Variants in SNRNP70 observed in about 807,000 individuals in gnomAD.
The protein encoded by SNRNP70 is U1 small nuclear ribonucleoprotein 70 kDa.
SNRNP70 carries 8 observed loss-of-function variants against 50.5 expected under a neutral mutation model. The ratio of observed to expected loss-of-function variants is 0.16; its 90% CI spans 0.09 to 0.29. The LOEUF is 0.29. Ranked by LOEUF, SNRNP70 falls within the 10% of genes least tolerant of loss-of-function variation. The pLI, the probability that SNRNP70 is intolerant of heterozygous loss-of-function variation, is 1.00. For synonymous variants in SNRNP70, 320 were observed against 252.9 expected (o/e 1.27, Z -2.52); for missense variants, 529 against 663.5 (o/e 0.80, Z 2.23).
chr19:49,097,001 A>G, intron 4 of SNRNP70, among the ~76,000 whole-genome samples: 1 of 151,404 alleles, frequency 6.6e-6, no homozygotes, highest in Non-Finnish European at 1.5e-5. Flanking sequence ...GTGGTGGTGC[A>G]CGCCTGTAAT....
intron 4 of SNRNP70, among the ~76,000 whole-genome samples, chr19:49,092,764 T>G (rs2040463564): frequency 6.6e-6 from 1 of 151,952 alleles, no homozygotes; most frequent in South Asian, 2.1e-4. Flanking sequence ...TTTTTTTCTT[T>G]TTTGGAAAAA....
intron 4 of SNRNP70, among the ~76,000 whole-genome samples, chr19:49,093,144 GGA>G (rs1285884117): frequency 5.3e-5 from 8 of 151,912 alleles, no homozygotes; most frequent in African/African-American, 1.7e-4. Flanking sequence ...TGCCCAGGCT[GGA>G]GTGTAGTGGT....
At position 49,101,435 on chromosome 19, in the gene SNRNP70, G is replaced by T; in HGVS notation, c.439G>T (p.Ala147Ser). 1.2e-6 allele frequency: 2 copies of T among 1,613,982 alleles called. No homozygotes were observed. Among genetic ancestry groups the T allele is most frequent in the African/African-American group, 1.3e-5 (1 of 75,026 alleles). The change falls in exon 7 of 10, where the codon GCC becomes TCC. Residue 147 changes from alanine to serine, a missense_variant. Physicochemically the swap from Ala to Ser is moderately conservative, Grantham distance 99. This residue lies in a region of SNRNP70 where 149 missense variants were observed against 259.7 expected (regional missense o/e 0.57). Transcript: ENST00000598441. Reference protein sequence around the residue: ...SKRSGKPRGYAFIEYEHERDM... With the variant: ...SKRSGKPRGYSFIEYEHERDM... ...GCGGTCAGGAAAGCCCCGTGGCTATGCCTTCATCGAGTACGAACACGAGCG... is the reference window on the plus strand; with the variant it reads ...GCGGTCAGGAAAGCCCCGTGGCTATTCCTTCATCGAGTACGAACACGAGCG...
Position 49,107,593 on chromosome 19 carries a change from G to T in SNRNP70, c.578-32G>T. 1 of 1,607,464 alleles carries T rather than the reference G, an allele frequency of 6.2e-7. No individual in the cohort carries two copies. Among genetic ancestry groups the T allele is most frequent in the Non-Finnish European group, 8.5e-7 (1 of 1,174,012 alleles). On this transcript the variant is annotated intron_variant, in intron 8 of 9. Coordinates refer to ENST00000598441, the MANE Select transcript of SNRNP70 (RefSeq NM_003089.6). This position sits in a 1 kb window ranked among gnomAD's most constrained non-coding sequence, Gnocchi z 6.0. ...CTCCTCCGGGCCCTGTCCCTGCCCA[G>T]ATTCACCCTCTGTCCGTCTGCCCTG...
chr19:49,093,012 CTCAGGTGAT>C (rs775286933), intron 4 of SNRNP70, among the ~76,000 whole-genome samples: 53 of 134,404 alleles, frequency 3.9e-4, no homozygotes, highest in Middle Eastern at 3.6e-3. Context: ...AATTCCTGGC[CTCAGGTGAT>C]CTGTCTGCCT....
At chr19:49,099,920 G>A (rs985906659) in intron 6 of SNRNP70, among the ~76,000 whole-genome samples, 4 of 151,502 alleles carry the variant, frequency 2.6e-5, no homozygotes, top group African/African-American at 9.7e-5. Flanking sequence ...TCGTGCCTGT[G>A]TGTGTGTGTG....
chr19:49,090,186 G>A (rs2040430745), intron 2 of SNRNP70, 105 bp from the exon 3 acceptor site: 4 of 932,446 alleles, frequency 4.3e-6, no homozygotes, highest in African/African-American at 3.3e-5. Context: ...GTTTATTTTT[G>A]TAGGGGGTGG....
chr19:49,097,326 C>T (rs2040525717), intron 4 of SNRNP70, among the ~76,000 whole-genome samples: 1 of 152,120 alleles, frequency 6.6e-6, no homozygotes, highest in Admixed American at 6.6e-5. Flanking sequence ...TTCTGTTTTA[C>T]TTCCATTTGC....
intron 8 of SNRNP70, among the ~76,000 whole-genome samples, chr19:49,106,777 C>T (rs1385430908): frequency 6.6e-6 from 1 of 152,148 alleles, no homozygotes; most frequent in African/African-American, 2.4e-5. Flanking sequence ...TCATCTGTGC[C>T]TTGGGGCTGT....
Position 49,086,371 on chromosome 19 carries a change from A to C in SNRNP70, c.-10-34A>C, listed in dbSNP as rs771392591. 17 of 1,595,472 alleles carry C rather than the reference A, an allele frequency of 1.1e-5. No individual in the cohort carries two copies. In the Admixed American group the frequency reaches 1.2e-4, roughly 11 times the overall value. On this transcript the variant is annotated intron_variant, in intron 1 of 9. Transcript: ENST00000598441. ...CAGGGGCTTTCTCTGTGCAGACCCG[A>C]TCTAACCTAAGGCTGTCCTGCTTCT...
In SNRNP70 at chr19:49,095,620, C is replaced by T. The variant is rs186066447; in HGVS notation, c.266-2807C>T. 1.9e-3 allele frequency among the ~76,000 whole-genome samples: 294 copies of T among 150,788 alleles called. 9 individuals carry two copies. The highest frequency in any genetic ancestry group is 0.016 in the Admixed American group (241 of 15,108). On this transcript the variant is annotated intron_variant, in intron 4 of 9. Transcript: ENST00000598441. The stretch of plus-strand genomic sequence containing the variant: ...CACGATCTCGGTTTACTGCAACCTT[C>T]ATCGCCTCCCTGGTTCAAGCGATTC...
rs760050518 is a variant in SNRNP70, at chr19:49,086,495, A to G, written c.81A>G (p.Lys27=). 3.1e-6 allele frequency: 5 copies of G among 1,614,028 alleles called. No individual in the cohort carries two copies. The East Asian group carries it at 1.1e-4, about 36-fold the overall frequency. Residue 27 remains lysine, a synonymous_variant, in exon 2 of 10, where the codon AAA becomes AAG. Transcript: ENST00000598441. ...TTCCATACCTGCCACCCCTGGAGAAACTGCCACATGAAAAACACCACAATC... is the reference window on the plus strand; with the variant it reads ...TTCCATACCTGCCACCCCTGGAGAAGCTGCCACATGAAAAACACCACAATC... ...DPIPYLPPLE[K]LPHEKHHNQP... is the part of the protein sequence containing the mutation.
chr19:49,107,613 G>T lies in SNRNP70; in HGVS notation c.578-12G>T. On this transcript the variant is annotated splice_polypyrimidine_tract_variant and intron_variant, in intron 8 of 9. Transcript: ENST00000598441. This position sits in a 1 kb window ranked among gnomAD's most constrained non-coding sequence, Gnocchi z 6.0. ...GCCCAGATTCACCCTCTGTCCGTCT[G>T]CCCTGCCCCAGGAGGAGGCCTCGGT... 2.5e-6 allele frequency: 4 copies of T among 1,613,474 alleles called. No homozygotes were observed. The highest frequency in any genetic ancestry group is 3.4e-6 in the Non-Finnish European group (4 of 1,179,450).
At chr19:49,095,975 C>CAAAAAAAAAAAAAAAAAAAAAAAAAAAA (rs11356728) in intron 4 of SNRNP70, among the ~76,000 whole-genome samples, 1 of 91,942 alleles carries the variant, frequency 1.1e-5, no homozygotes, top group Non-Finnish European at 2.2e-5. Flanking sequence ...TTAGCTGGTG[C>CAAAAAAAAAAAAAAAAAAAAAAAAAAAA]AAAAAAAAAA....
rs1001046663 is a variant in SNRNP70, at chr19:49,108,121, C to T, written c.992C>T (p.Pro331Leu). The change falls in exon 10 of 10, where the codon CCT becomes CTT. Residue 331 changes from proline (P) to leucine (L), a missense_variant. Coordinates refer to ENST00000598441, the MANE Select transcript of SNRNP70 (RefSeq NM_003089.6). Reference protein sequence around the residue: ...EAGDAPPDDGPPGELGPDGPD... With the variant: ...EAGDAPPDDGLPGELGPDGPD... ...GGTGACGCGCCCCCTGATGATGGGC[C>T]TCCAGGGGAGCTCGGGCCTGACGGC... 1.5e-5 allele frequency: 23 copies of T among 1,548,252 alleles called. No homozygotes were observed. Among genetic ancestry groups the T allele is most frequent in the African/African-American group, 1.4e-5 (1 of 73,438 alleles).
Position 49,087,376 on chromosome 19 carries a change from T to C in SNRNP70, c.147+815T>C, listed in dbSNP as rs1188490081. Reference sequence around the variant, plus strand: ...GGATAGTGGTAGCACCCTTATAATGTTGGTGGAGAATTAAATGGCAAACTG... The same window carrying C: ...GGATAGTGGTAGCACCCTTATAATGCTGGTGGAGAATTAAATGGCAAACTG... On this transcript the variant is annotated intron_variant, in intron 2 of 9. Coordinates refer to ENST00000598441, the MANE Select transcript of SNRNP70 (RefSeq NM_003089.6). Among the ~76,000 whole-genome samples, 6 of 152,240 alleles carry C rather than the reference T, an allele frequency of 3.9e-5. No individual in the cohort carries two copies. In the East Asian group the frequency reaches 1.2e-3, roughly 29 times the overall value.
chr19:49,107,764 C>T lies in SNRNP70; in HGVS notation c.666-31C>T. ...GGTGGGGGGCGGTCACGGGGGGAGC[C>T]CAGCCACACAGGTCTGCCCACCTCA... On this transcript the variant is annotated intron_variant, in intron 9 of 9. Transcript: ENST00000598441. The surrounding 1 kb of genome is among the most constrained non-coding windows in gnomAD (Gnocchi z 6.0). 6.2e-7 allele frequency: 1 copy of T among 1,611,952 alleles called. No homozygotes were observed. The highest frequency in any genetic ancestry group is 8.5e-7 in the Non-Finnish European group (1 of 1,179,440).
At chr19:49,106,672 C>T (rs1158443807) in intron 8 of SNRNP70, among the ~76,000 whole-genome samples, 5 of 152,194 alleles carry the variant, frequency 3.3e-5, no homozygotes, top group East Asian at 1.9e-4. Context: ...TTGCAGCAGA[C>T]GGCAGTGACA....
intron 7 of SNRNP70, chr19:49,101,787 G>T: frequency 2.4e-6 from 1 of 411,338 alleles, no homozygotes; most frequent in South Asian, 2.1e-5. Flanking sequence ...GTCGGATTTT[G>T]GGGGAACCTC....
Sources: gnomAD v4.1 joint callset for allele counts (sites outside exome capture counted in the v4.1 genomes callset) on GRCh38, gnomAD v4.1.1 for gene constraint, gnomAD v4.1.1 regional missense constraint, Gnocchi (gnomAD v3.1) non-coding constraint, MANE v1.5 for transcripts, NCBI Gene and HGNC (gene_info 2026-07-23, HGNC 2026-07-21) for gene names.